NRG2: variants seen among roughly 807,000 people sequenced by gnomAD.
NRG2 encodes the protein neuregulin 2.
NRG2 carries 27 observed loss-of-function variants against 73.9 expected under a neutral mutation model. The ratio of observed to expected loss-of-function variants is 0.37; its 90% CI spans 0.27 to 0.50. The LOEUF (loss-of-function observed/expected upper bound fraction) is 0.50. Ranked by LOEUF, NRG2 falls within the 20% of genes least tolerant of loss-of-function variation. The probability of loss-of-function intolerance (pLI) is 0.96; values close to 1 mark genes in which losing one functional copy is unlikely to be tolerated. For synonymous variants in NRG2, 532 were observed against 541.0 expected, an observed-to-expected ratio of 0.98 and a Z score of 0.23; for missense variants, 1,126 against 1,210.1, an observed-to-expected ratio of 0.93 and a Z score of 1.03.
At chr5:140,000,213 C>T (rs1165906033) in intron 1 of NRG2, among the ~76,000 whole-genome samples, 2 of 152,190 alleles carry the variant, frequency 1.3e-5, no homozygotes, top group Non-Finnish European at 2.9e-5. Context: ...TGTGGAAACA[C>T]AAAATATTAT....
intron 1 of NRG2, among the ~76,000 whole-genome samples, chr5:140,015,515 C>A (rs1175774382): frequency 6.6e-6 from 1 of 152,122 alleles, no homozygotes; most frequent in Non-Finnish European, 1.5e-5. Context: ...AACGGAGATT[C>A]CATAAGTGTT....
At position 139,868,635 on chromosome 5, in the gene NRG2, C is replaced by T. The variant is rs900962143; in HGVS notation, c.1113-3010G>A. Among the ~76,000 whole-genome samples the T allele has an allele frequency of 3.9e-5, 6 of 152,168 alleles. No homozygotes were observed. The highest frequency in any genetic ancestry group is 1.4e-4 in the African/African-American group (6 of 41,522). On this transcript the variant is annotated intron_variant, in intron 4 of 9. Transcript: ENST00000361474. The surrounding 1 kb of genome is among the most constrained non-coding windows in gnomAD (Gnocchi z 4.2). ...ACAGAGAGGTCAGGACCTCTGCCTTCCCCTTTTCCCACCCCACCTCCCGGG... is the reference window on the plus strand; with the variant it reads ...ACAGAGAGGTCAGGACCTCTGCCTTTCCCTTTTCCCACCCCACCTCCCGGG...
At chr5:139,854,008 TATG>T (rs1383889605) in intron 6 of NRG2, among the ~76,000 whole-genome samples, 1 of 152,244 alleles carries the variant, frequency 6.6e-6, no homozygotes, top group Non-Finnish European at 1.5e-5. Flanking sequence ...GAATACATGA[TATG>T]ATTATTATGC....
At chr5:139,871,983 C>CT in intron 3 of NRG2, 142 bp from the exon 4 acceptor site, 1 of 1,173,142 alleles carries the variant, frequency 8.5e-7, no homozygotes, top group East Asian at 2.6e-5. Flanking sequence ...CTGGTGGTCC[C>CT]TTCTAGTCAC....
intron 1 of NRG2, among the ~76,000 whole-genome samples, chr5:139,985,975 C>G (rs1239670935): frequency 6.6e-6 from 1 of 152,138 alleles, no homozygotes; most frequent in Non-Finnish European, 1.5e-5. Context: ...GTGGGGCTCC[C>G]AGGGCTATAT....
At chr5:139,981,991 G>A (rs1756834934) in intron 1 of NRG2, among the ~76,000 whole-genome samples, 1 of 152,196 alleles carries the variant, frequency 6.6e-6, no homozygotes, top group African/African-American at 2.4e-5. Flanking sequence ...CCAAGGCTGT[G>A]CCAGCATAGA....
intron 1 of NRG2, among the ~76,000 whole-genome samples, chr5:140,018,987 A>G (rs1760008978): frequency 6.6e-6 from 1 of 152,252 alleles, no homozygotes; most frequent in Non-Finnish European, 1.5e-5. Context: ...CATATTATCC[A>G]AAGTTCCCAA....
rs1761802741 is a variant in NRG2, at chr5:139,856,222, A to G, written c.1190-444T>C. 2 of 183,722 alleles carry G rather than the reference A, an allele frequency of 1.1e-5. No homozygotes were observed. The highest frequency in any genetic ancestry group is 2.3e-5 in the Non-Finnish European group (2 of 85,432). The allele number at this position is 183,722 out of a possible 1,614,324, so 11.4% of individuals were successfully genotyped here. On this transcript the variant is annotated intron_variant, in intron 5 of 9. Transcript: ENST00000361474. The surrounding 1 kb of genome is among the most constrained non-coding windows in gnomAD (Gnocchi z 4.2). ...AGAGGAGTTGTTCTTCCTGGCAGTG[A>G]TCATGGGAATGCCTTTGTTTACCCC...
intron 1 of NRG2, among the ~76,000 whole-genome samples, chr5:140,027,426 C>G (rs1245174908): frequency 6.6e-6 from 1 of 152,126 alleles, no homozygotes; most frequent in African/African-American, 2.4e-5. Context: ...GATTCGTGGG[C>G]GTGGCTTTTG....
chr5:139,882,887 T>A (rs572815760), intron 2 of NRG2, among the ~76,000 whole-genome samples: 9 of 151,900 alleles, frequency 5.9e-5, no homozygotes, highest in Non-Finnish European at 1.2e-4. Context: ...TCTCTAGGAG[T>A]GCCCCTTCCT....
intron 1 of NRG2, among the ~76,000 whole-genome samples, chr5:139,890,682 T>C (rs1159026806): frequency 6.6e-6 from 1 of 152,096 alleles, no homozygotes; most frequent in African/African-American, 2.4e-5. Context: ...CGGAATCACA[T>C]GGGAAGCTTT....
chr5:139,951,169 G>T (rs763275899), intron 1 of NRG2, among the ~76,000 whole-genome samples: 6 of 152,188 alleles, frequency 3.9e-5, no homozygotes, highest in Non-Finnish European at 8.8e-5. Flanking sequence ...GACTGAGAAG[G>T]TACACATTTG....
At chr5:139,976,858 G>T (rs1052405056) in intron 1 of NRG2, among the ~76,000 whole-genome samples, 6 of 152,206 alleles carry the variant, frequency 3.9e-5, no homozygotes, top group Non-Finnish European at 7.3e-5. Context: ...AGCATAAATG[G>T]TTAAGAGCAC....
intron 1 of NRG2, among the ~76,000 whole-genome samples, chr5:139,955,912 C>G (rs765586356): frequency 1.3e-5 from 2 of 152,160 alleles, no homozygotes; most frequent in Non-Finnish European, 2.9e-5. Context: ...ACGTCCTCAC[C>G]CTCAGCTTCT....
intron 1 of NRG2, among the ~76,000 whole-genome samples, chr5:139,996,878 A>G (rs1270714513): frequency 6.6e-6 from 1 of 151,976 alleles, no homozygotes; most frequent in Non-Finnish European, 1.5e-5. Flanking sequence ...TCACGCCTAT[A>G]ATCCCAGCAC....
At chr5:139,924,609 T>G (rs1751916112) in intron 1 of NRG2, among the ~76,000 whole-genome samples, 1 of 152,170 alleles carries the variant, frequency 6.6e-6, no homozygotes, top group African/African-American at 2.4e-5. Flanking sequence ...TATCCGGAGA[T>G]TTCATTAATA....
At chr5:140,019,184 C>T (rs1027404655) in intron 1 of NRG2, among the ~76,000 whole-genome samples, 1 of 152,180 alleles carries the variant, frequency 6.6e-6, no homozygotes, top group African/African-American at 2.4e-5. Context: ...GCTAGAAACC[C>T]GGTTATTTCT....
chr5:139,956,369 G>A (rs963053994), intron 1 of NRG2, among the ~76,000 whole-genome samples: 7 of 148,956 alleles, frequency 4.7e-5, no homozygotes, highest in African/African-American at 1.2e-4. Flanking sequence ...CCCCCTCTCT[G>A]ACTTTTGCAA....
chr5:139,859,050 G>C (rs1761976966), intron 5 of NRG2, among the ~76,000 whole-genome samples: 1 of 152,088 alleles, frequency 6.6e-6, no homozygotes, highest in Non-Finnish European at 1.5e-5. Context: ...CTGAGCCCCT[G>C]CCTCTCTCCT....
Sources: allele counts gnomAD v4.1 joint callset (sites outside exome capture counted in the v4.1 genomes callset), GRCh38; gene constraint gnomAD v4.1.1; non-coding constraint Gnocchi (gnomAD v3.1); transcripts MANE v1.5; gene names NCBI Gene and HGNC (gene_info 2026-07-23, HGNC 2026-07-21).